TENM3: variants seen among roughly 807,000 people sequenced by gnomAD.
TENM3 encodes teneurin-3.
In TENM3, 63 loss-of-function variants were observed where a neutral mutation model predicts 255.1. The ratio of observed to expected loss-of-function variants is 0.25; its 90% CI spans 0.20 to 0.30. TENM3 has a LOEUF of 0.30. TENM3 is among the 10% of genes least tolerant of loss of function. The pLI is 1.00. For synonymous variants in TENM3, 1,306 were observed against 1,322.3 expected (o/e 0.99, Z 0.27); for missense variants, 2,929 against 3,461.1 (o/e 0.85, Z 3.86).
the TENM3 span, among the ~76,000 whole-genome samples, chr4:181,507,504 G>A: frequency 6.6e-6 from 1 of 152,140 alleles, no homozygotes; most frequent in Admixed American, 6.5e-5. Flanking sequence ...TTTTATTTAT[G>A]CACTTCTGAT....
the TENM3 span, among the ~76,000 whole-genome samples, chr4:181,546,516 C>T: frequency 2.0e-5 from 3 of 151,084 alleles, no homozygotes; most frequent in African/African-American, 7.3e-5. Flanking sequence ...GAGATCGAGA[C>T]CATCCTGGCT....
chr4:182,112,315 A>T, the TENM3 span, among the ~76,000 whole-genome samples: 1 of 152,154 alleles, frequency 6.6e-6, no homozygotes, highest in Non-Finnish European at 1.5e-5. Context: ...TCTCAGCCAC[A>T]TTCACGGACT....
intron 4 of TENM3, among the ~76,000 whole-genome samples, chr4:182,608,788 C>A (rs1748683056): frequency 6.6e-6 from 1 of 152,144 alleles, no homozygotes; most frequent in South Asian, 2.1e-4. Flanking sequence ...AGGCCACAGG[C>A]GGTCCTGCTG....
intron 4 of TENM3, among the ~76,000 whole-genome samples, chr4:182,603,182 G>A (rs1183457001): frequency 6.6e-6 from 1 of 152,118 alleles, no homozygotes; most frequent in Non-Finnish European, 1.5e-5. Context: ...TGAAATTGTA[G>A]CTGGTTTCTC....
the TENM3 span, among the ~76,000 whole-genome samples, chr4:181,824,650 A>T: frequency 6.6e-6 from 1 of 152,204 alleles, no homozygotes. Context: ...TGATCAGGCA[A>T]GACTTAATAT....
the TENM3 span, among the ~76,000 whole-genome samples, chr4:182,026,640 T>G: frequency 2.0e-5 from 3 of 152,176 alleles, no homozygotes; most frequent in Admixed American, 2.0e-4. Flanking sequence ...TTTTTGTATA[T>G]GGTGAGAGAG....
At chr4:182,647,579 T>C (rs1365470190) in intron 5 of TENM3, among the ~76,000 whole-genome samples, 2 of 152,238 alleles carry the variant, frequency 1.3e-5, no homozygotes, top group East Asian at 3.8e-4. Context: ...GGCAGAATAC[T>C]CTTCCATTGT....
At chr4:181,782,901 G>T in the TENM3 span, among the ~76,000 whole-genome samples, 1 of 152,136 alleles carries the variant, frequency 6.6e-6, no homozygotes, top group African/African-American at 2.4e-5. Flanking sequence ...TCAGGAGCAG[G>T]TTGTTCAGTT....
At chr4:182,162,621 A>G (rs1478792022) in intron 1 of TENM3, among the ~76,000 whole-genome samples, 1 of 152,178 alleles carries the variant, frequency 6.6e-6, no homozygotes, top group Non-Finnish European at 1.5e-5. Flanking sequence ...TATAGACAAT[A>G]GAAATTTATT....
the TENM3 span, among the ~76,000 whole-genome samples, chr4:181,460,928 TAA>T: frequency 5.6e-4 from 85 of 152,052 alleles, 1 homozygote; most frequent in African/African-American, 8.9e-4. Context: ...TAAAAATTTT[TAA>T]GTTTATTTTC....
At chr4:182,323,425 A>AC (rs1763182124) in intron 1 of TENM3, among the ~76,000 whole-genome samples, 1 of 151,792 alleles carries the variant, frequency 6.6e-6, no homozygotes, top group Non-Finnish European at 1.5e-5. Flanking sequence ...TATATTAAAA[A>AC]AAAAAAAAAA....
At chr4:181,671,676 A>C in the TENM3 span, among the ~76,000 whole-genome samples, 2 of 152,138 alleles carry the variant, frequency 1.3e-5, no homozygotes, top group African/African-American at 4.8e-5. Context: ...ATTATTGCAT[A>C]GCAGGTTAGT....
chr4:181,582,737 T>C, the TENM3 span, among the ~76,000 whole-genome samples: 2 of 148,192 alleles, frequency 1.3e-5, no homozygotes, highest in Non-Finnish European at 3.0e-5. Flanking sequence ...AGAAAGAAAC[T>C]GAGAATAGCA....
At chr4:182,246,018 G>C (rs1757619374) in intron 1 of TENM3, among the ~76,000 whole-genome samples, 1 of 152,076 alleles carries the variant, frequency 6.6e-6, no homozygotes, top group South Asian at 2.1e-4. Flanking sequence ...GCACTCCCTG[G>C]CTCTGCAAGT....
At chr4:182,493,050 A>G (rs754463118) in intron 3 of TENM3, among the ~76,000 whole-genome samples, 8 of 152,182 alleles carry the variant, frequency 5.3e-5, no homozygotes, top group South Asian at 2.1e-4. Flanking sequence ...AAGAAGGACA[A>G]TTAGTTCTTA....
At chr4:182,403,686 C>T (rs924496138) in intron 3 of TENM3, among the ~76,000 whole-genome samples, 1 of 152,086 alleles carries the variant, frequency 6.6e-6, no homozygotes, top group Non-Finnish European at 1.5e-5. Context: ...TTTATGAAAC[C>T]GATGTAGTTT....
chr4:182,363,013 T>G (rs1766137830), intron 3 of TENM3, among the ~76,000 whole-genome samples: 1 of 152,218 alleles, frequency 6.6e-6, no homozygotes, highest in South Asian at 2.1e-4. Flanking sequence ...CAATTTTAAG[T>G]CAGTGTAGTA....
At chr4:181,729,183 A>C in the TENM3 span, among the ~76,000 whole-genome samples, 1 of 152,288 alleles carries the variant, frequency 6.6e-6, no homozygotes, top group East Asian at 1.9e-4. Context: ...TTTGCATTTA[A>C]AAAAATATGA....
intron 3 of TENM3, among the ~76,000 whole-genome samples, chr4:182,374,142 T>C (rs948717654): frequency 6.6e-5 from 10 of 152,302 alleles, no homozygotes; most frequent in African/African-American, 2.4e-4. Flanking sequence ...ATTTCTGTAT[T>C]AATTTTTCAT....
Sources: gnomAD v4.1 joint callset for allele counts (sites outside exome capture counted in the v4.1 genomes callset) on GRCh38, gnomAD v4.1.1 for gene constraint, MANE v1.5 for transcripts, NCBI Gene and HGNC (gene_info 2026-07-23, HGNC 2026-07-21) for gene names.